The following DMRT1 variants were observed in gnomAD, a reference collection of about 807,000 sequenced individuals.
DMRT1 encodes doublesex- and mab-3-related transcription factor 1.
A neutral mutation model predicts 32.3 loss-of-function variants in DMRT1; 7 were observed. The ratio of observed to expected loss-of-function variants is 0.22; its 90% CI spans 0.12 to 0.41. The LOEUF is 0.41. Among genes scored for constraint, DMRT1 ranks in the 10% least tolerant of loss-of-function variants. The pLI is 1.00. For synonymous variants in DMRT1, 278 were observed against 206.1 expected (o/e 1.35, Z -2.99); for missense variants, 625 against 500.5 (o/e 1.25, Z -2.37).
chr9:932,595 T>C (rs1818760881), intron 4 of DMRT1, among the ~76,000 whole-genome samples: 1 of 152,156 alleles, frequency 6.6e-6, no homozygotes, highest in African/African-American at 2.4e-5. Flanking sequence ...TACAATTCAA[T>C]TCAATTCTGA....
intron 2 of DMRT1, among the ~76,000 whole-genome samples, chr9:889,428 C>G (rs945941724): frequency 6.6e-6 from 1 of 152,134 alleles, no homozygotes; most frequent in East Asian, 1.9e-4. Context: ...ATACATATCT[C>G]CTATTTATTC....
chr9:875,695 C>G (rs1420075199), intron 2 of DMRT1, among the ~76,000 whole-genome samples: 1 of 152,018 alleles, frequency 6.6e-6, no homozygotes, highest in Non-Finnish European at 1.5e-5. Flanking sequence ...CAGCATGGCT[C>G]TTTGTAGTCA....
chr9:943,046 T>C (rs1819128215), intron 4 of DMRT1, among the ~76,000 whole-genome samples: 1 of 152,082 alleles, frequency 6.6e-6, no homozygotes, highest in African/African-American at 2.4e-5. Flanking sequence ...TGTCTTAGTT[T>C]GGGTTTCACA....
At position 957,172 on chromosome 9, in the gene DMRT1, C is replaced by T. The variant is rs140478963; in HGVS notation, c.968-10813C>T. 7.7e-3 allele frequency among the ~76,000 whole-genome samples: 1,167 copies of T among 152,286 alleles called. 7 individuals are homozygous for T. Among genetic ancestry groups the T allele is most frequent in the South Asian group, 0.017 (84 of 4,820 alleles). On this transcript the variant is annotated intron_variant, in intron 4 of 4. Transcript: ENST00000382276. Reference sequence around the variant, plus strand: ...CCAATGGAACATCTTTTCTTGAAGGCAGACTAAAATACCTGTTGAAACATG... The same window carrying T: ...CCAATGGAACATCTTTTCTTGAAGGTAGACTAAAATACCTGTTGAAACATG...
intron 4 of DMRT1, among the ~76,000 whole-genome samples, chr9:960,968 G>A (rs1166729047): frequency 1.3e-5 from 2 of 152,210 alleles, no homozygotes; most frequent in Non-Finnish European, 2.9e-5. Flanking sequence ...CGGGCCACAC[G>A]TGTGGGTGAC....
chr9:877,913 C>G (rs1564217225), intron 2 of DMRT1, among the ~76,000 whole-genome samples: 1 of 152,128 alleles, frequency 6.6e-6, no homozygotes, highest in Non-Finnish European at 1.5e-5. Context: ...TGTGCCTGTA[C>G]AATGACCCAT....
intron 2 of DMRT1, among the ~76,000 whole-genome samples, chr9:847,594 G>A (rs73639436): frequency 0.013 from 2,010 of 152,316 alleles, 42 homozygotes; most frequent in African/African-American, 0.045. Context: ...GGAAGGCCAC[G>A]TTGGCTTGAA....
At chr9:864,119 T>G (rs1805584841) in intron 2 of DMRT1, among the ~76,000 whole-genome samples, 1 of 152,170 alleles carries the variant, frequency 6.6e-6, no homozygotes, top group Non-Finnish European at 1.5e-5. Flanking sequence ...TTCCTGTTGG[T>G]AGGCCATTCT....
chr9:843,707 G>A (rs7044108), intron 1 of DMRT1, among the ~76,000 whole-genome samples: 5,495 of 152,266 alleles, frequency 0.036, 280 homozygotes, highest in African/African-American at 0.12. Context: ...AAAAGATAAC[G>A]AAGAAATGTT....
intron 2 of DMRT1, among the ~76,000 whole-genome samples, chr9:848,717 C>G (rs988114754): frequency 6.7e-6 from 1 of 149,520 alleles, no homozygotes; most frequent in Non-Finnish European, 1.5e-5. Flanking sequence ...CCACACCCGA[C>G]TAATTTTTGT....
At chr9:901,173 C>T (rs917350912) in intron 3 of DMRT1, among the ~76,000 whole-genome samples, 1 of 152,118 alleles carries the variant, frequency 6.6e-6, no homozygotes, top group African/African-American at 2.4e-5. Flanking sequence ...TACCACCACA[C>T]CCAGCTAATT....
intron 2 of DMRT1, among the ~76,000 whole-genome samples, chr9:882,249 G>T (rs1589496051): frequency 6.6e-6 from 1 of 152,264 alleles, no homozygotes; most frequent in East Asian, 1.9e-4. Context: ...GTTTCTCTGG[G>T]GGTGTGAAGG....
At chr9:852,205 G>A (rs1815173336) in intron 2 of DMRT1, among the ~76,000 whole-genome samples, 1 of 151,856 alleles carries the variant, frequency 6.6e-6, no homozygotes, top group South Asian at 2.1e-4. Flanking sequence ...CCAAAGTGCT[G>A]GGATTACAGG....
chr9:914,384 C>T (rs1286134123), intron 3 of DMRT1, among the ~76,000 whole-genome samples: 1 of 151,902 alleles, frequency 6.6e-6, no homozygotes, highest in African/African-American at 2.4e-5. Context: ...ACCATCCTGG[C>T]TAACACGGTA....
chr9:878,679 G>T (rs531075122), intron 2 of DMRT1, among the ~76,000 whole-genome samples: 2 of 152,238 alleles, frequency 1.3e-5, no homozygotes, highest in Admixed American at 6.5e-5. Flanking sequence ...GGATAACTTT[G>T]TGCGGAGTTA....
chr9:889,601 CTT>C (rs1167361873), intron 2 of DMRT1, among the ~76,000 whole-genome samples: 1 of 152,178 alleles, frequency 6.6e-6, no homozygotes, highest in Non-Finnish European at 1.5e-5. Context: ...AAGCCATTCT[CTT>C]GTTACCTTCA....
At chr9:853,126 G>C (rs1157004625) in intron 2 of DMRT1, among the ~76,000 whole-genome samples, 4 of 152,120 alleles carry the variant, frequency 2.6e-5, no homozygotes, top group Admixed American at 1.3e-4. Context: ...AAAATTGAGA[G>C]GAAGGTACGG....
intron 3 of DMRT1, chr9:894,489 T>C: frequency 2.2e-6 from 1 of 461,682 alleles, no homozygotes; most frequent in Non-Finnish European, 4.0e-6. Context: ...TTTCAAATTT[T>C]ACTTTTCTCA....
At chr9:867,029 A>G (rs1386313085) in intron 2 of DMRT1, among the ~76,000 whole-genome samples, 1 of 152,180 alleles carries the variant, frequency 6.6e-6, no homozygotes, top group African/African-American at 2.4e-5. Context: ...ATCCAGGGGA[A>G]GGGCAACAAA....
Sources: allele counts gnomAD v4.1 joint callset (sites outside exome capture counted in the v4.1 genomes callset), GRCh38; gene constraint gnomAD v4.1.1; transcripts MANE v1.5; gene names NCBI Gene and HGNC (gene_info 2026-07-23, HGNC 2026-07-21).